UBE3A: variants seen among roughly 807,000 people sequenced by gnomAD.
UBE3A encodes the protein ubiquitin protein ligase E3A.
UBE3A carries 6 observed loss-of-function variants against 83.4 expected under a neutral mutation model. The ratio of observed to expected loss-of-function variants is 0.07; its 90% CI spans 0.04 to 0.14. The LOEUF (loss-of-function observed/expected upper bound fraction) is 0.14, where lower values mean the gene tolerates loss of function less well. UBE3A is among the 10% of genes least tolerant of loss of function. UBE3A has a pLI of 1.00. For missense variants in UBE3A, 456 were observed against 1,036.1 expected (o/e 0.44, Z 7.69); for synonymous variants, 337 against 355.4 (o/e 0.95, Z 0.58).
chr15:25,420,536 G>C (rs1459945667), intron 1 of UBE3A: 1 of 152,040 alleles, frequency 6.6e-6, no homozygotes, highest in East Asian at 1.9e-4. Context: ...GAAAATATTT[G>C]AACAGACACA....
At chr15:25,412,145 T>G (rs1200516185) in intron 1 of UBE3A, among the ~76,000 whole-genome samples, 174 bp from the exon 2 acceptor site, 1 of 151,666 alleles carries the variant, frequency 6.6e-6, no homozygotes, top group Non-Finnish European at 1.5e-5. Context: ...AAAGCATAGG[T>G]AGGCAGGCCC....
intron 3 of UBE3A, chr15:25,408,249 C>T (rs2089158099): frequency 1.1e-5 from 3 of 270,780 alleles, no homozygotes; most frequent in African/African-American, 2.2e-5. Context: ...AAATATATAC[C>T]ACCTAGCAAC....
chr15:25,405,423 C>A, intron 4 of UBE3A, 38 bp downstream of exon 4: 1 of 1,611,294 alleles, frequency 6.2e-7, no homozygotes, highest in Non-Finnish European at 8.5e-7. Flanking sequence ...TAGGGCAACT[C>A]AAAATAAGAA....
chr15:25,399,014 A>G (rs1000436043), intron 4 of UBE3A, among the ~76,000 whole-genome samples: 12 of 151,468 alleles, frequency 7.9e-5, no homozygotes, highest in Non-Finnish European at 1.5e-4. Context: ...TATTTTGAGA[A>G]ATGTCTATTC....
At chr15:25,401,444 T>C (rs1238849959) in intron 4 of UBE3A, among the ~76,000 whole-genome samples, 1 of 152,206 alleles carries the variant, frequency 6.6e-6, no homozygotes, top group Non-Finnish European at 1.5e-5. Flanking sequence ...GGGCTTCCTT[T>C]GGTGGGAGAT....
intron 6 of UBE3A, among the ~76,000 whole-genome samples, chr15:25,369,857 A>C (rs2152815129): frequency 6.6e-6 from 1 of 152,324 alleles, no homozygotes; most frequent in South Asian, 2.1e-4. Context: ...AGTTAGGATG[A>C]GTACCTGAGT....
chr15:25,380,369 C>T (rs753169175), intron 4 of UBE3A, among the ~76,000 whole-genome samples: 28 of 152,118 alleles, frequency 1.8e-4, no homozygotes, highest in Middle Eastern at 6.8e-3. Context: ...GCCTGCAAAA[C>T]CTAAAACAAA....
intron 3 of UBE3A, chr15:25,408,355 G>A (rs1291717329): frequency 1.9e-6 from 1 of 525,482 alleles, no homozygotes; most frequent in Non-Finnish European, 3.4e-6. Flanking sequence ...TGTAAATGCA[G>A]AACATATAAC....
intron 6 of UBE3A, among the ~76,000 whole-genome samples, chr15:25,364,846 CTG>C (rs927376763): frequency 6.6e-6 from 1 of 151,572 alleles, no homozygotes; most frequent in Non-Finnish European, 1.5e-5. Context: ...TGGGGTTTCA[CTG>C]TGTTAGCCAG....
At chr15:25,356,574 T>C (rs1595598030) in intron 8 of UBE3A, 117 bp downstream of exon 8, 2 of 1,002,672 alleles carry the variant, frequency 2.0e-6, no homozygotes, top group East Asian at 5.2e-5. Flanking sequence ...TTTTATCTTA[T>C]TGATAAGAGT....
At chr15:25,345,082 G>C (rs1453392455) in intron 11 of UBE3A, among the ~76,000 whole-genome samples, 1 of 152,116 alleles carries the variant, frequency 6.6e-6, no homozygotes, top group Non-Finnish European at 1.5e-5. Context: ...TAATTGGACA[G>C]AAACAAAGCT....
chr15:25,430,288 A>T lies in UBE3A; in HGVS notation c.-165+8201T>A, dbSNP rs866047199. On this transcript the variant is annotated intron_variant, in intron 1 of 12. Transcript: ENST00000648336. ...ATACATATATAAGATTATATATATA[A>T]TATATATAATACATATATATAAGAT... Among the ~76,000 whole-genome samples the T allele has an allele frequency of 4.7e-3, 11 of 2,332 alleles. 4 individuals carry two copies. The highest frequency in any genetic ancestry group is 7.8e-3 in the African/African-American group (10 of 1,280). 1.5% of individuals were successfully genotyped at this position (2,332 alleles called of 152,430 possible).
At chr15:25,416,381 A>C (rs78728859) in intron 1 of UBE3A, among the ~76,000 whole-genome samples, 2 of 152,208 alleles carry the variant, frequency 1.3e-5, no homozygotes, top group Non-Finnish European at 2.9e-5. Flanking sequence ...ATGTGAATAA[A>C]TCTCACAAAT....
intron 11 of UBE3A, among the ~76,000 whole-genome samples, chr15:25,343,988 A>G (rs2075284356): frequency 6.6e-6 from 1 of 152,202 alleles, no homozygotes; most frequent in Non-Finnish European, 1.5e-5. Flanking sequence ...AAGAAAAGAG[A>G]TACTGTTGTA....
chr15:25,377,781 A>C (rs2081456224), intron 4 of UBE3A, among the ~76,000 whole-genome samples: 1 of 152,186 alleles, frequency 6.6e-6, no homozygotes, highest in South Asian at 2.1e-4. Flanking sequence ...ATGTCTAATA[A>C]AAGATTACTT....
At chr15:25,434,965 T>TAC (rs1416576143) in intron 1 of UBE3A, among the ~76,000 whole-genome samples, 9 of 20,356 alleles carry the variant, frequency 4.4e-4, no homozygotes, top group African/African-American at 9.4e-4. Flanking sequence ...AAATTCTATA[T>TAC]ACATACACAC....
At chr15:25,348,420 A>G (rs1307447611) in intron 11 of UBE3A, among the ~76,000 whole-genome samples, 1 of 152,190 alleles carries the variant, frequency 6.6e-6, no homozygotes, top group Non-Finnish European at 1.5e-5. Context: ...AATGGTAAAT[A>G]TTATAGTCTC....
At chr15:25,394,587 T>G (rs1411355511) in intron 4 of UBE3A, among the ~76,000 whole-genome samples, 1 of 152,198 alleles carries the variant, frequency 6.6e-6, no homozygotes. Flanking sequence ...TGGTCTACTC[T>G]GATTAAAAAG....
intron 1 of UBE3A, among the ~76,000 whole-genome samples, chr15:25,425,716 A>T (rs1177842684): frequency 6.6e-6 from 1 of 152,064 alleles, no homozygotes; most frequent in Admixed American, 6.5e-5. Context: ...ATAGCTTTTT[A>T]TTTTTCTTTT....
Sources: allele counts gnomAD v4.1 joint callset (sites outside exome capture counted in the v4.1 genomes callset), GRCh38; gene constraint gnomAD v4.1.1; transcripts MANE v1.5; gene names NCBI Gene and HGNC (gene_info 2026-07-23, HGNC 2026-07-21).